Variants in PTPRD observed in about 807,000 individuals in gnomAD.
PTPRD encodes receptor-type tyrosine-protein phosphatase delta.
In PTPRD, 34 loss-of-function variants were observed where a neutral mutation model predicts 214.5. That is an observed-to-expected ratio of 0.16 (90% CI 0.12 to 0.21). The LOEUF (loss-of-function observed/expected upper bound fraction) is 0.21. Ranked by LOEUF, PTPRD falls within the 10% of genes least tolerant of loss-of-function variation. The pLI is 1.00. For missense variants in PTPRD, 2,545 were observed against 2,398.7 expected, an observed-to-expected ratio of 1.06 and a Z score of -1.27; for synonymous variants, 1,128 against 845.7, an observed-to-expected ratio of 1.33 and a Z score of -5.79.
chr9:9,689,867 G>A (rs1007764583), intron 7 of PTPRD, among the ~76,000 whole-genome samples: 2 of 151,566 alleles, frequency 1.3e-5, no homozygotes, highest in Admixed American at 6.6e-5. Flanking sequence ...ACACATTTTC[G>A]TTATCCATTC....
intron 2 of PTPRD, among the ~76,000 whole-genome samples, chr9:10,553,886 T>G (rs891059590): frequency 2.0e-5 from 3 of 152,236 alleles, no homozygotes; most frequent in Non-Finnish European, 2.9e-5. Flanking sequence ...CAGTTTAAAT[T>G]ACTGAGTTAA....
chr9:8,383,700 G>A (rs1253414285), intron 37 of PTPRD, among the ~76,000 whole-genome samples: 2 of 152,118 alleles, frequency 1.3e-5, no homozygotes, highest in Non-Finnish European at 2.9e-5. Flanking sequence ...AATCATGACT[G>A]ATTTGTTAAG....
intron 11 of PTPRD, among the ~76,000 whole-genome samples, chr9:8,759,567 T>G (rs1052962074): frequency 6.6e-6 from 1 of 152,038 alleles, no homozygotes; most frequent in African/African-American, 2.4e-5. Context: ...CTGTTCTAGC[T>G]CCCAGTATTT....
chr9:9,961,768 T>C (rs1047414423), intron 4 of PTPRD, among the ~76,000 whole-genome samples: 4 of 152,028 alleles, frequency 2.6e-5, no homozygotes, highest in African/African-American at 9.7e-5. Flanking sequence ...AACATGATGA[T>C]CAATTATAAA....
Position 9,059,304 on chromosome 9 carries a change from T to C in PTPRD, c.-142-40569A>G, listed in dbSNP as rs552451559. ...ATGTGTACAGCATTGAAATGGCCCA[T>C]AATATGGCTCAGACCAGATAAGAAA... On this transcript the variant is annotated intron_variant, in intron 10 of 45. Coordinates refer to ENST00000381196, the MANE Select transcript of PTPRD (RefSeq NM_002839.4). Among the ~76,000 whole-genome samples, 6 of 152,252 alleles carry C rather than the reference T, an allele frequency of 3.9e-5. No homozygotes were observed. The South Asian group carries it at 8.3e-4, about 21-fold the overall frequency.
At chr9:9,317,399 T>A (rs1199925542) in intron 9 of PTPRD, among the ~76,000 whole-genome samples, 1 of 152,178 alleles carries the variant, frequency 6.6e-6, no homozygotes, top group Non-Finnish European at 1.5e-5. Context: ...TATTCTTCCT[T>A]AAAACTTTGC....
chr9:8,903,801 C>T (rs2098689196), intron 11 of PTPRD, among the ~76,000 whole-genome samples: 1 of 146,496 alleles, frequency 6.8e-6, no homozygotes, highest in East Asian at 1.9e-4. Flanking sequence ...CTCTGTAAAG[C>T]AATATCCTAC....
chr9:8,704,222 C>T (rs965440075), intron 12 of PTPRD, among the ~76,000 whole-genome samples: 3 of 152,072 alleles, frequency 2.0e-5, no homozygotes, highest in East Asian at 3.9e-4. Flanking sequence ...CAACGTTGTG[C>T]AGGGTTGGCT....
At chr9:10,017,140 A>G (rs77932627) in intron 4 of PTPRD, among the ~76,000 whole-genome samples, 4,167 of 152,298 alleles carry the variant, frequency 0.027, 76 homozygotes, top group Middle Eastern at 0.095. Flanking sequence ...ACAAGTAGTA[A>G]TATGCCCAAT....
chr9:9,651,807 T>A (rs1408079230), intron 7 of PTPRD, among the ~76,000 whole-genome samples: 2 of 150,976 alleles, frequency 1.3e-5, no homozygotes, highest in Non-Finnish European at 3.0e-5. Flanking sequence ...CACACTGCCT[T>A]TGTATTTATT....
intron 10 of PTPRD, among the ~76,000 whole-genome samples, chr9:9,137,825 T>C (rs2154479006): frequency 6.6e-6 from 1 of 152,316 alleles, no homozygotes; most frequent in African/African-American, 2.4e-5. Context: ...GAGCAGGGAA[T>C]AAAGTTGTTC....
intron 11 of PTPRD, among the ~76,000 whole-genome samples, chr9:8,956,661 C>G (rs1231468602): frequency 6.6e-6 from 1 of 151,746 alleles, no homozygotes. Context: ...AACAGGGGAG[C>G]AGTTATCAAG....
chr9:10,008,531 G>C (rs908727241), intron 4 of PTPRD, among the ~76,000 whole-genome samples: 1 of 152,084 alleles, frequency 6.6e-6, no homozygotes, highest in East Asian at 1.9e-4. Flanking sequence ...TGTTTGCTTA[G>C]CATGCATATG....
intron 11 of PTPRD, among the ~76,000 whole-genome samples, chr9:8,766,136 G>C (rs898244880): frequency 6.6e-6 from 1 of 151,082 alleles, no homozygotes; most frequent in African/African-American, 2.4e-5. Flanking sequence ...CCTAACAGCA[G>C]GTCCTCAGGT....
At chr9:8,434,140 G>A (rs975127601) in intron 35 of PTPRD, among the ~76,000 whole-genome samples, 12 of 152,058 alleles carry the variant, frequency 7.9e-5, no homozygotes, top group Non-Finnish European at 2.9e-5. Context: ...ACGCCACCAC[G>A]CCTGGCTAAT....
chr9:10,214,374 T>C (rs547116499), intron 3 of PTPRD, among the ~76,000 whole-genome samples: 1 of 152,074 alleles, frequency 6.6e-6, no homozygotes, highest in East Asian at 1.9e-4. Flanking sequence ...CCTCCTGGGT[T>C]CAAGTGATTC....
At chr9:8,325,665 TACCTTGGGCAGTATGGCCATTTTC>T (rs1832923164) in intron 44 of PTPRD, among the ~76,000 whole-genome samples, 1 of 151,976 alleles carries the variant, frequency 6.6e-6, no homozygotes, top group African/African-American at 2.4e-5. Context: ...ATCTATAAAT[TACCTTGGGCAGTATGGCCATTTTC>T]ACGATATTGA....
At chr9:9,685,672 T>C (rs2097154067) in intron 7 of PTPRD, among the ~76,000 whole-genome samples, 1 of 151,228 alleles carries the variant, frequency 6.6e-6, no homozygotes, top group South Asian at 2.1e-4. Context: ...CAGATTAGAA[T>C]TGGCTGCTCT....
intron 11 of PTPRD, among the ~76,000 whole-genome samples, chr9:8,929,932 T>C (rs943726725): frequency 8.6e-6 from 1 of 116,734 alleles, no homozygotes; most frequent in East Asian, 2.3e-4. Context: ...TATATATGTG[T>C]ATATATATAT....
Sources: gnomAD v4.1 joint callset for allele counts (sites outside exome capture counted in the v4.1 genomes callset) on GRCh38, gnomAD v4.1.1 for gene constraint, MANE v1.5 for transcripts, NCBI Gene and HGNC (gene_info 2026-07-23, HGNC 2026-07-21) for gene names.